Variants in LUZP2 observed in about 807,000 individuals in gnomAD.
LUZP2 encodes leucine zipper protein 2.
A neutral mutation model predicts 51.6 loss-of-function variants in LUZP2; 52 were observed. That is an observed-to-expected ratio of 1.01 (90% CI 0.81 to 1.27). The LOEUF (loss-of-function observed/expected upper bound fraction) is 1.27. Among genes scored for constraint, LUZP2 ranks in the 50% most tolerant of loss-of-function variants. The pLI is 0.00. For synonymous variants in LUZP2, 154 were observed against 137.3 expected (o/e 1.12, Z -0.85); for missense variants, 436 against 395.4 (o/e 1.10, Z -0.87).
At chr11:24,822,114 C>A (rs1342132090) in intron 5 of LUZP2, among the ~76,000 whole-genome samples, 2 of 151,686 alleles carry the variant, frequency 1.3e-5, no homozygotes, top group Non-Finnish European at 2.9e-5. Context: ...TGTACAGATG[C>A]TTTGTGCAGT....
intron 7 of LUZP2, among the ~76,000 whole-genome samples, chr11:24,938,222 A>T (rs1227917021): frequency 6.6e-6 from 1 of 152,140 alleles, no homozygotes; most frequent in African/African-American, 2.4e-5. Context: ...TTATTGGGAT[A>T]CATTTTTTTT....
intron 1 of LUZP2, among the ~76,000 whole-genome samples, chr11:24,657,385 T>C (rs1336389326): frequency 1.3e-5 from 2 of 152,154 alleles, no homozygotes; most frequent in Non-Finnish European, 2.9e-5. Flanking sequence ...CAAACCTTCA[T>C]GCTAAAAACT....
At chr11:24,992,217 C>T (rs184898613) in intron 9 of LUZP2, among the ~76,000 whole-genome samples, 3 of 152,190 alleles carry the variant, frequency 2.0e-5, no homozygotes, top group Non-Finnish European at 4.4e-5. Context: ...ACTCCAAAAA[C>T]AGGCTGTAAG....
intron 1 of LUZP2, among the ~76,000 whole-genome samples, chr11:24,556,818 A>G (rs1402073465): frequency 6.6e-6 from 1 of 152,126 alleles, no homozygotes; most frequent in Admixed American, 6.6e-5. Flanking sequence ...TTGCACCCTC[A>G]ACACTAACTT....
intron 5 of LUZP2, among the ~76,000 whole-genome samples, chr11:24,831,519 A>G (rs1283666551): frequency 6.6e-6 from 1 of 152,216 alleles, no homozygotes; most frequent in East Asian, 1.9e-4. Flanking sequence ...TTTAAAAAAG[A>G]AAGAAAAGAA....
At chr11:24,696,353 T>A (rs1045620094) in intron 1 of LUZP2, among the ~76,000 whole-genome samples, 1 of 152,104 alleles carries the variant, frequency 6.6e-6, no homozygotes, top group Non-Finnish European at 1.5e-5. Context: ...AAACAAAGAT[T>A]TATGCTTATT....
At chr11:24,714,824 A>G (rs1857975398) in intron 1 of LUZP2, among the ~76,000 whole-genome samples, 1 of 152,136 alleles carries the variant, frequency 6.6e-6, no homozygotes, top group African/African-American at 2.4e-5. Flanking sequence ...TGGAGGCATC[A>G]CCTTCTGTGC....
intron 7 of LUZP2, among the ~76,000 whole-genome samples, chr11:24,938,923 G>A (rs1854665446): frequency 6.6e-6 from 1 of 152,106 alleles, no homozygotes; most frequent in African/African-American, 2.4e-5. Context: ...AGAAAATGCT[G>A]ATTTAGTAGG....
chr11:24,566,492 A>ATAATTTAAT (rs1852223343), intron 1 of LUZP2, among the ~76,000 whole-genome samples: 3 of 148,736 alleles, frequency 2.0e-5, no homozygotes, highest in African/African-American at 7.4e-5. Context: ...CCATGCCCAG[A>ATAATTTAAT]TAATTTAATT....
At chr11:24,521,309 C>T (rs1850633098) in intron 1 of LUZP2, among the ~76,000 whole-genome samples, 1 of 126,524 alleles carries the variant, frequency 7.9e-6, no homozygotes, top group African/African-American at 3.2e-5. Flanking sequence ...TGAGATCATG[C>T]CATTGCACTT....
chr11:25,029,736 C>A (rs372710098), intron 9 of LUZP2, among the ~76,000 whole-genome samples: 1,204 of 113,988 alleles, frequency 0.011, no homozygotes, highest in Admixed American at 0.013. Flanking sequence ...GACTCTGTCT[C>A]AAAAAAAAAA....
intron 7 of LUZP2, among the ~76,000 whole-genome samples, chr11:24,945,710 A>G (rs1267481807): frequency 2.0e-5 from 3 of 151,938 alleles, no homozygotes; most frequent in Admixed American, 6.6e-5. Context: ...ATGGTTTTCC[A>G]TTTCTTCTAT....
intron 1 of LUZP2, among the ~76,000 whole-genome samples, chr11:24,616,564 T>A (rs964236591): frequency 1.4e-4 from 21 of 151,922 alleles, no homozygotes; most frequent in African/African-American, 3.9e-4. Flanking sequence ...AAAGACTACC[T>A]TTCCACCATA....
At chr11:24,847,039 T>C (rs550898818) in intron 5 of LUZP2, among the ~76,000 whole-genome samples, 58 of 151,894 alleles carry the variant, frequency 3.8e-4, no homozygotes, top group Admixed American at 1.0e-3. Context: ...TACACACATA[T>C]ATAGATACAT....
intron 10 of LUZP2, among the ~76,000 whole-genome samples, chr11:25,074,484 A>G (rs1402510371): frequency 6.6e-6 from 1 of 152,144 alleles, no homozygotes; most frequent in Non-Finnish European, 1.5e-5. Context: ...GAAATGTAGT[A>G]AGTTTTCATT....
chr11:24,956,895 A>C (rs1855226583), intron 7 of LUZP2, among the ~76,000 whole-genome samples: 1 of 152,152 alleles, frequency 6.6e-6, no homozygotes. Flanking sequence ...AAGAATCTCT[A>C]GTTTAAAGTG....
intron 5 of LUZP2, among the ~76,000 whole-genome samples, chr11:24,763,623 G>C (rs186866422): frequency 4.0e-4 from 61 of 152,028 alleles, no homozygotes; most frequent in African/African-American, 1.4e-3. Flanking sequence ...GACATTACAG[G>C]CACTGAAGAA....
rs182927491 is a variant in LUZP2 at position 24,619,709 on chromosome 11, C to G, written c.63-109460C>G. Among the ~76,000 whole-genome samples, 375 of 152,170 alleles carry G rather than the reference C, an allele frequency of 2.5e-3. 5 individuals are homozygous for G. Among genetic ancestry groups the G allele is most frequent in the Non-Finnish European group, 1.8e-3 (125 of 68,000 alleles). ...AAAATCCTATAGTATTTGCATATAT[C>G]TATGTATATGATCTTGTATACTTTA... On this transcript the variant is annotated intron_variant, in intron 1 of 11. Transcript: ENST00000336930.
At chr11:24,937,656 C>G in intron 7 of LUZP2, among the ~76,000 whole-genome samples, 1 of 151,826 alleles carries the variant, frequency 6.6e-6, no homozygotes, top group East Asian at 1.9e-4. Flanking sequence ...AATCCCAGCA[C>G]TTTGGGAGGC....
Sources: allele counts gnomAD v4.1 joint callset (sites outside exome capture counted in the v4.1 genomes callset), GRCh38; gene constraint gnomAD v4.1.1; transcripts MANE v1.5; gene names NCBI Gene and HGNC (gene_info 2026-07-23, HGNC 2026-07-21).